The following GIMAP2 variants were observed in gnomAD, a reference collection of about 807,000 sequenced individuals.
The protein encoded by GIMAP2 is GTPase, IMAP family member 2.
Under a neutral mutation model 25.5 loss-of-function variants are expected in GIMAP2, and 22 were observed. That is an observed-to-expected ratio of 0.86 (90% confidence interval 0.62 to 1.23). The LOEUF is 1.23. GIMAP2 is among the 50% of genes most tolerant of loss of function. The probability of loss-of-function intolerance (pLI) is 0.00; values close to 1 mark genes in which losing one functional copy is unlikely to be tolerated. For synonymous variants in GIMAP2, 167 were observed against 143.0 expected, an observed-to-expected ratio of 1.17 and a Z score of -1.20; for missense variants, 422 against 395.7, an observed-to-expected ratio of 1.07 and a Z score of -0.56.
chr7:150,686,009 T>C (rs548221026), intron 1 of GIMAP2, among the ~76,000 whole-genome samples: 1 of 152,146 alleles, frequency 6.6e-6, no homozygotes, highest in South Asian at 2.1e-4. Context: ...CAATAAAAAG[T>C]GCTAACTGGG....
chr7:150,689,442 C>A (rs1796940935), intron 2 of GIMAP2: 1 of 697,704 alleles, frequency 1.4e-6, no homozygotes, highest in Admixed American at 2.0e-5. Flanking sequence ...CAACTCAGGA[C>A]TCCCACCGCT....
rs769005291 is a variant in GIMAP2, at chr7:150,692,702, G to GTCCTCTTT, written c.416_417insTCCTCTTT (p.His140ProfsTer20). On this transcript the variant is annotated frameshift_variant, in exon 3 of 3. Coordinates refer to ENST00000223293, the MANE Select transcript of GIMAP2 (RefSeq NM_015660.3). LOFTEE classifies it high-confidence loss of function. ...GAGATCTTTGGAGAGGATGCCATGG[G>GTCCTCTTT]ACACACAATTGTCCTCTTTACCCAC... 69 of 1,614,078 alleles carry GTCCTCTTT rather than the reference G, an allele frequency of 4.3e-5. No individual in the cohort carries two copies. Among genetic ancestry groups the GTCCTCTTT allele is most frequent in the Non-Finnish European group, 5.8e-5 (69 of 1,180,048 alleles).
chr7:150,689,494 A>T, intron 2 of GIMAP2: 3 of 703,020 alleles, frequency 4.3e-6, no homozygotes, highest in Non-Finnish European at 7.8e-6. Flanking sequence ...CATAGGCGAG[A>T]GGAAGGTTAA....
Position 150,687,717 on chromosome 7 carries a change from TTG to T in GIMAP2, c.28+648_28+649del, listed in dbSNP as rs145943318. ...CTTCTCTCACATTTCCATAGGTTCT[TTG>T]TGTGTGTGTGTGTGTGTCTCTCTCT... On this transcript the variant is annotated intron_variant, in intron 2 of 2. Transcript: ENST00000223293. Among the ~76,000 whole-genome samples the T allele has an allele frequency of 1.3e-4, 19 of 150,102 alleles. 1 individual carries two copies. The highest frequency in any genetic ancestry group is 1.1e-3 in the South Asian group (5 of 4,718).
At chr7:150,690,616 C>A (rs149242093) in intron 2 of GIMAP2, among the ~76,000 whole-genome samples, 113 of 152,336 alleles carry the variant, frequency 7.4e-4, no homozygotes, top group African/African-American at 2.7e-3. Flanking sequence ...TTAACCCCTG[C>A]ATGCAAGTTA....
At chr7:150,692,208 G>A in intron 2 of GIMAP2, 107 bp from the exon 3 acceptor site, 1 of 1,088,268 alleles carries the variant, frequency 9.2e-7, no homozygotes, top group Non-Finnish European at 1.3e-6. Flanking sequence ...CTGGGCGACA[G>A]AGCGAGACTC....
At chr7:150,689,499 G>A in intron 2 of GIMAP2, 1 of 703,150 alleles carries the variant, frequency 1.4e-6, no homozygotes, top group East Asian at 2.7e-5. Flanking sequence ...GCGAGAGGAA[G>A]GTTAAACGTG....
intron 2 of GIMAP2, among the ~76,000 whole-genome samples, chr7:150,689,102 C>A (rs1055328708): frequency 1.3e-5 from 2 of 152,208 alleles, no homozygotes; most frequent in Non-Finnish European, 2.9e-5. Flanking sequence ...CTCTAGTCAG[C>A]CTTCAAAATT....
rs1796982707 is a variant in GIMAP2, at chr7:150,692,740, A to G, written c.454A>G (p.Asn152Asp). ...CCTCTTTACCCACAAGGAAGACCTC[A>G]ATGGTGGCTCCCTGATGGATTACAT... ...IVLFTHKEDL[N>D]GGSLMDYMHD... The change falls in exon 3 of 3, where the codon AAT becomes GAT. Residue 152 changes from asparagine to aspartate, a missense_variant. Transcript: ENST00000223293. 1 of 1,614,004 alleles carries G rather than the reference A, an allele frequency of 6.2e-7. No homozygotes were observed. Among genetic ancestry groups the G allele is most frequent in the Non-Finnish European group, 8.5e-7 (1 of 1,179,966 alleles).
At chr7:150,686,944 A>AT in intron 1 of GIMAP2, 108 bp from the exon 2 acceptor site, 1 of 524,490 alleles carries the variant, frequency 1.9e-6, no homozygotes, top group Non-Finnish European at 3.0e-6. Context: ...ACTGTGTCTC[A>AT]AAAAAAAAAA....
Position 150,692,900 on chromosome 7 carries a change from T to C in GIMAP2, c.614T>C (p.Leu205Pro), listed in dbSNP as rs776842070. ...VKELMDCIEDLLMEKNGDHYT... is the reference protein window; with the variant it reads ...VKELMDCIEDPLMEKNGDHYT... ...GAACTAATGGACTGTATTGAGGATCTGTTGATGGAGAAAAATGGTGATCAC... is the reference window on the plus strand; with the variant it reads ...GAACTAATGGACTGTATTGAGGATCCGTTGATGGAGAAAAATGGTGATCAC... The change falls in exon 3 of 3, where the codon CTG becomes CCG. Residue 205 changes from leucine (L) to proline (P), a missense_variant. Transcript: ENST00000223293. 1.9e-5 allele frequency: 30 copies of C among 1,614,106 alleles called. No individual in the cohort carries two copies. The highest frequency in any genetic ancestry group is 2.0e-5 in the Non-Finnish European group (24 of 1,180,032).
intron 2 of GIMAP2, chr7:150,689,404 A>G (rs1796940261): frequency 1.5e-6 from 1 of 661,246 alleles, no homozygotes; most frequent in South Asian, 1.6e-5. Flanking sequence ...CATGGGAGAG[A>G]ATGAGGTAGC....
rs35656746 is a variant in GIMAP2 at position 150,687,105 on chromosome 7, CGT to C, written c.28+67_28+68del. ...TCACTGGGGTAAGAAGGTGACTTCA[CGT>C]GTGTGTGTGTGTGTGTGTGTGTGTG... On this transcript the variant is annotated intron_variant, in intron 2 of 2. Transcript: ENST00000223293. 108,887 of 1,239,000 alleles carry C rather than the reference CGT, an allele frequency of 0.088. 2,893 individuals are homozygous for C. The highest frequency in any genetic ancestry group is 0.13 in the East Asian group (4,983 of 38,692). 76.8% of individuals were successfully genotyped at this position (1,239,000 alleles called of 1,614,324 possible).
chr7:150,687,463 G>T, intron 2 of GIMAP2: 1 of 172,496 alleles, frequency 5.8e-6, no homozygotes, highest in Non-Finnish European at 1.2e-5. Flanking sequence ...TTTTAGTAGA[G>T]ACGGGGTTTC....
chr7:150,685,847 A>G (rs778945543), intron 1 of GIMAP2, 62 bp downstream of exon 1: 2 of 530,528 alleles, frequency 3.8e-6, no homozygotes, highest in Non-Finnish European at 4.8e-6. Flanking sequence ...CCATGCACAA[A>G]CATTTTCATT....
intron 1 of GIMAP2, 73 bp from the exon 2 acceptor site, chr7:150,686,972 GAAAAAGA>G (rs1796909339): frequency 1.3e-6 from 1 of 778,462 alleles, no homozygotes; most frequent in African/African-American, 1.9e-5. Context: ...AAGAAAGAAA[GAAAAAGA>G]AAAGAAAAGA....
chr7:150,693,353 T>C lies in GIMAP2; in HGVS notation c.*53T>C. 2 of 1,213,718 alleles carry C rather than the reference T, an allele frequency of 1.6e-6. No homozygotes were observed. Among genetic ancestry groups the C allele is most frequent in the Non-Finnish European group, 2.3e-6 (2 of 877,798 alleles). The allele number at this position is 1,213,718 out of a possible 1,614,324, so 75.2% of individuals were successfully genotyped here. A position where few individuals can be genotyped will look rare whatever the true frequency, so the allele number is the denominator to read the frequency against. ...CTATCATTTAGTGGGTGAATCACAG[T>C]AATTTCCCTGTAAAATGTGGTACCT... On this transcript the variant is annotated 3_prime_UTR_variant, in exon 3 of 3. Coordinates refer to ENST00000223293, the MANE Select transcript of GIMAP2 (RefSeq NM_015660.3).
At chr7:150,685,862 T>G in intron 1 of GIMAP2, 77 bp downstream of exon 1, 1 of 446,030 alleles carries the variant, frequency 2.2e-6, no homozygotes, top group Non-Finnish European at 3.0e-6. Flanking sequence ...TTCATTTTTC[T>G]TAGAACAAAT....
chr7:150,685,974 A>C (rs1246214560), intron 1 of GIMAP2, among the ~76,000 whole-genome samples, 189 bp downstream of exon 1: 2 of 152,226 alleles, frequency 1.3e-5, no homozygotes, highest in Admixed American at 6.5e-5. Flanking sequence ...TTACTGGCAA[A>C]GAAAGAATTT....
Sources: allele counts gnomAD v4.1 joint callset (sites outside exome capture counted in the v4.1 genomes callset), GRCh38; gene constraint gnomAD v4.1.1; transcripts MANE v1.5; gene names NCBI Gene and HGNC (gene_info 2026-07-23, HGNC 2026-07-21).